TMEM168: variants seen among roughly 807,000 people sequenced by gnomAD.
TMEM168 encodes transmembrane protein 168.
Under a neutral mutation model 53.2 loss-of-function variants are expected in TMEM168, and 40 were observed. That is an observed-to-expected ratio of 0.75 (90% CI 0.58 to 0.98). The LOEUF (loss-of-function observed/expected upper bound fraction) is 0.98, where lower values mean the gene tolerates loss of function less well. TMEM168 is among the 50% of genes least tolerant of loss of function. The pLI, the probability that TMEM168 is intolerant of heterozygous loss-of-function variation, is 0.00. For missense variants in TMEM168, 771 were observed against 828.8 expected (o/e 0.93, Z 0.86); for synonymous variants, 282 against 293.0 (o/e 0.96, Z 0.38).
rs1257785070 is a variant in TMEM168 at position 112,790,329 on chromosome 7, T to A, written c.-298A>T. The A allele has an allele frequency of 1.3e-5, 2 of 152,294 alleles. No homozygotes were observed. Among genetic ancestry groups the A allele is most frequent in the Middle Eastern group, 3.2e-3 (1 of 316 alleles). The allele number at this position is 152,294 out of a possible 1,614,324, so 9.4% of individuals were successfully genotyped here. ...CCATACGCGCTAATACAGGCCAGTG[T>A]CGGCGTAAACTTTCTCCGTTACCGG... On this transcript the variant is annotated 5_prime_UTR_variant, in exon 1 of 5. Transcript: ENST00000312814.
chr7:112,777,085 T>C, intron 2 of TMEM168, among the ~76,000 whole-genome samples: 1 of 152,150 alleles, frequency 6.6e-6, no homozygotes, highest in Non-Finnish European at 1.5e-5. Context: ...GAACATAGTT[T>C]CAATGAAAGT....
rs547372481 is a variant in TMEM168 at position 112,767,714 on chromosome 7, A to G, written c.1577T>C (p.Ile526Thr). ...ACCATTCTTTTCTCTCCACCATTCT[A>G]TAAGTGTGTCAAGGCGTAGTGTATC... Reference protein sequence around the residue: ...GGDTLRLDTLIEWWREKNGSF... With the variant: ...GGDTLRLDTLTEWWREKNGSF... The change falls in exon 5 of 5, where the codon ATA (isoleucine) becomes ACA (threonine). Residue 526 changes from isoleucine to threonine, a missense_variant. Coordinates refer to ENST00000312814, the MANE Select transcript of TMEM168 (RefSeq NM_022484.6). 8.1e-6 allele frequency: 13 copies of G among 1,613,336 alleles called. No homozygotes were observed. Among genetic ancestry groups the G allele is most frequent in the South Asian group, 4.4e-5 (4 of 91,032 alleles).
At chr7:112,777,870 C>T (rs1407640779) in intron 2 of TMEM168, among the ~76,000 whole-genome samples, 1 of 137,694 alleles carries the variant, frequency 7.3e-6, no homozygotes, top group Non-Finnish European at 1.6e-5. Context: ...GGTTTTGCTG[C>T]TTCTTGCTCT....
chr7:112,771,324 A>G (rs1227171), intron 4 of TMEM168, among the ~76,000 whole-genome samples: 62,613 of 151,976 alleles, frequency 0.41, 16,304 homozygotes, highest in African/African-American at 0.74. Context: ...TTTAGGAATC[A>G]GGCAGATCTG....
chr7:112,771,191 T>TA (rs2116233984), intron 4 of TMEM168, among the ~76,000 whole-genome samples: 1 of 152,336 alleles, frequency 6.6e-6, no homozygotes, highest in East Asian at 1.9e-4. Context: ...TTGTACATTC[T>TA]AATGTTTTGA....
intron 2 of TMEM168, among the ~76,000 whole-genome samples, chr7:112,780,017 C>T (rs7806781): frequency 0.21 from 32,553 of 152,046 alleles, 3,782 homozygotes; most frequent in Middle Eastern, 0.44. Context: ...AAACCACAGG[C>T]GACTTTCAAA....
intron 1 of TMEM168, 89 bp from the exon 2 acceptor site, chr7:112,785,042 C>T (rs1197324940): frequency 2.7e-6 from 1 of 375,822 alleles, no homozygotes; most frequent in African/African-American, 2.1e-5. Context: ...GTGAAAAAAT[C>T]CAGTTTAAAA....
Position 112,784,513 on chromosome 7 carries a change from G to T in TMEM168, c.313C>A (p.Leu105Ile). 1 of 1,614,054 alleles carries T rather than the reference G, an allele frequency of 6.2e-7. No individual in the cohort carries two copies. The highest frequency in any genetic ancestry group is 8.5e-7 in the Non-Finnish European group (1 of 1,179,996). ...GATGAATTATCAAGAAAACATAGGA[G>T]GCCAAGCAAGAATCCAAACCAAAGA... ...SNLWFGFLLG[L>I]LCFLDNSSFK... Residue 105 changes from leucine to isoleucine, a missense_variant, in exon 2 of 5, where the codon CTC becomes ATC. By Grantham distance (5) the Leu-to-Ile change is conservative. Transcript: ENST00000312814.
Position 112,772,981 on chromosome 7 carries a change from T to C in TMEM168, c.1346A>G (p.Asn449Ser), listed in dbSNP as rs2116243046. Residue 449 changes from asparagine to serine, a missense_variant, in exon 4 of 5, where the codon AAT (asparagine) becomes AGT (serine). Asn to Ser is a conservative substitution (Grantham distance 46). Coordinates refer to ENST00000312814, the MANE Select transcript of TMEM168 (RefSeq NM_022484.6). Reference protein sequence around the residue: ...ELNLRSTGMLNAIQRFFAYHM... With the variant: ...ELNLRSTGMLSAIQRFFAYHM... ...ATATGCAAAAAATCTTTGGATAGCATTGAGCATGCCAGTAGACCTCAAATT... is the reference window on the plus strand; with the variant it reads ...ATATGCAAAAAATCTTTGGATAGCACTGAGCATGCCAGTAGACCTCAAATT... 3.7e-6 allele frequency: 6 copies of C among 1,614,088 alleles called. No individual in the cohort carries two copies. The highest frequency in any genetic ancestry group is 1.6e-4 in the Middle Eastern group (1 of 6,062).
rs1792743608 is a variant in TMEM168, at chr7:112,765,141, T to G, written c.*2056A>C. 1 of 152,232 alleles carries G rather than the reference T, an allele frequency of 6.6e-6. No homozygotes were observed. Among genetic ancestry groups the G allele is most frequent in the African/African-American group, 2.4e-5 (1 of 41,456 alleles). 9.4% of individuals were successfully genotyped at this position (152,232 alleles called of 1,614,324 possible). A position where few individuals can be genotyped will look rare whatever the true frequency, so the allele number is the denominator to read the frequency against. ...TAGTTATTGTTTTTAAAATGTTAGC[T>G]TTGTGATACCATCCCAAAAAGTCAT... On this transcript the variant is annotated 3_prime_UTR_variant, in exon 5 of 5. Coordinates refer to ENST00000312814, the MANE Select transcript of TMEM168 (RefSeq NM_022484.6).
chr7:112,777,886 CTGTGTGTGTGTGTGTGTGTGTGTGTG>C lies in TMEM168; in HGVS notation c.1129-2594_1129-2569del, dbSNP rs71155068. Among the ~76,000 whole-genome samples the C allele has an allele frequency of 1.9e-3, 236 of 126,138 alleles. 1 individual carries two copies. The highest frequency in any genetic ancestry group is 5.2e-3 in the African/African-American group (184 of 35,326). The allele number at this position is 126,138 out of a possible 152,430, so 82.8% of individuals were successfully genotyped here. On this transcript the variant is annotated intron_variant, in intron 2 of 4. Coordinates refer to ENST00000312814, the MANE Select transcript of TMEM168 (RefSeq NM_022484.6). The stretch of plus-strand genomic sequence containing the variant: ...GTTTTGCTGCTTCTTGCTCTTGGTG[CTGTGTGTGTGTGTGTGTGTGTGTGTG>C]TGTGTGTGTGTGTGTGTGTGTGTGT...
chr7:112,772,719 T>C, intron 4 of TMEM168, 62 bp downstream of exon 4: 4 of 1,543,412 alleles, frequency 2.6e-6, no homozygotes, highest in Non-Finnish European at 3.5e-6. Flanking sequence ...GTGTGTGAAG[T>C]ACAGATTTCT....
chr7:112,784,301 C>T lies in TMEM168; in HGVS notation c.525G>A (p.Glu175=), dbSNP rs1023295665. Residue 175 remains glutamate, a synonymous_variant, in exon 2 of 5, where the codon GAG becomes GAA. Coordinates refer to ENST00000312814, the MANE Select transcript of TMEM168 (RefSeq NM_022484.6). ...FAIASTTMLV[E]KSLSVILLVV... ...CAAGCAAAATGACACTCAGAGACTT[C>T]TCCACCAACATAGTTGTGCTGGCAA... The T allele has an allele frequency of 1.2e-6, 2 of 1,614,072 alleles. No individual in the cohort carries two copies. The highest frequency in any genetic ancestry group is 1.7e-6 in the Non-Finnish European group (2 of 1,180,038).
At position 112,767,231 on chromosome 7, in the gene TMEM168, T is replaced by G; in HGVS notation, c.2060A>C (p.Asp687Ala). Residue 687 changes from aspartate (D) to alanine (A), a missense_variant, in exon 5 of 5, where the codon GAC becomes GCC. Asp to Ala is a moderately radical substitution (Grantham distance 126). Transcript: ENST00000312814. ...GACAAGTTTGAAGCCTTGTCCTGTG[T>G]CCAGCACAGTAGGAAGAAACCAACT... ...KMSWFLPTVL[D>A]TGQGFKLVKS 1 of 1,614,032 alleles carries G rather than the reference T, an allele frequency of 6.2e-7. No individual in the cohort carries two copies. The highest frequency in any genetic ancestry group is 8.5e-7 in the Non-Finnish European group (1 of 1,179,960).
intron 2 of TMEM168, among the ~76,000 whole-genome samples, chr7:112,780,322 A>G (rs1427233952): frequency 1.3e-5 from 2 of 152,244 alleles, no homozygotes; most frequent in African/African-American, 2.4e-5. Flanking sequence ...TGCTTTCCAC[A>G]TGACCCAGCA....
chr7:112,784,937 ATT>A lies in TMEM168; in HGVS notation c.-114_-113del, dbSNP rs1793340309. On this transcript the variant is annotated 5_prime_UTR_variant, in exon 2 of 5. Coordinates refer to ENST00000312814, the MANE Select transcript of TMEM168 (RefSeq NM_022484.6). ...TATTTCAACATTTTCTCTTGTGGAAATTTTGTTTATAGTGATCTAAAAAGAAG... is the reference window on the plus strand; with the variant it reads ...TATTTCAACATTTTCTCTTGTGGAAATTGTTTATAGTGATCTAAAAAGAAG... 1.0e-6 allele frequency: 1 copy of A among 964,588 alleles called. No homozygotes were observed. The highest frequency in any genetic ancestry group is 1.7e-5 in the African/African-American group (1 of 59,412). The allele number at this position is 964,588 out of a possible 1,614,324, so 59.8% of individuals were successfully genotyped here. A position where few individuals can be genotyped will look rare whatever the true frequency, so the allele number is the denominator to read the frequency against.
rs773721143 is a variant in TMEM168, at chr7:112,772,927, T to G, written c.1400A>C (p.Tyr467Ser). ...ATCAAATGACAGTCCACTTGTGGAATAGTCACATCCATAGGTCTCAATCAT... is the reference window on the plus strand; with the variant it reads ...ATCAAATGACAGTCCACTTGTGGAAGAGTCACATCCATAGGTCTCAATCAT... ...YHMIETYGCD[Y>S]STSGLSFDTL... Residue 467 changes from tyrosine to serine, a missense_variant, in exon 4 of 5, where the codon TAT (tyrosine) becomes TCT (serine). By Grantham distance (144) the Tyr-to-Ser change is moderately radical. Coordinates refer to ENST00000312814, the MANE Select transcript of TMEM168 (RefSeq NM_022484.6). 6.2e-7 allele frequency: 1 copy of G among 1,614,114 alleles called. No individual in the cohort carries two copies. Among genetic ancestry groups the G allele is most frequent in the South Asian group, 1.1e-5 (1 of 91,082 alleles).
intron 1 of TMEM168, among the ~76,000 whole-genome samples, chr7:112,788,874 T>C (rs987396517): frequency 3.3e-5 from 5 of 152,226 alleles, no homozygotes; most frequent in Non-Finnish European, 5.9e-5. Flanking sequence ...AACATTTCCC[T>C]GTATCCACTC....
intron 1 of TMEM168, among the ~76,000 whole-genome samples, chr7:112,786,401 C>A (rs1343674652): frequency 1.3e-5 from 2 of 152,106 alleles, no homozygotes; most frequent in Non-Finnish European, 2.9e-5. Flanking sequence ...TGCTTTTATA[C>A]GTTCAACAAG....
Sources: allele counts gnomAD v4.1 joint callset (sites outside exome capture counted in the v4.1 genomes callset), GRCh38; gene constraint gnomAD v4.1.1; transcripts MANE v1.5; gene names NCBI Gene and HGNC (gene_info 2026-07-23, HGNC 2026-07-21).